Variants in TEX2 observed in about 807,000 individuals in gnomAD.
TEX2 encodes testis-expressed protein 2.
In TEX2, 53 loss-of-function variants were observed where a neutral mutation model predicts 106.9. The ratio of observed to expected loss-of-function variants is 0.50; its 90% CI spans 0.40 to 0.62. The LOEUF (loss-of-function observed/expected upper bound fraction) is 0.62, where lower values mean the gene tolerates loss of function less well. TEX2 is among the 20% of genes least tolerant of loss of function. The pLI, the probability that TEX2 is intolerant of heterozygous loss-of-function variation, is 0.00. For missense variants in TEX2, 1,207 were observed against 1,379.0 expected (o/e 0.88, Z 1.98); for synonymous variants, 523 against 534.8 (o/e 0.98, Z 0.30).
At chr17:64,207,164 G>A (rs1555630857) in intron 2 of TEX2, among the ~76,000 whole-genome samples, 1 of 152,224 alleles carries the variant, frequency 6.6e-6, no homozygotes, top group Non-Finnish European at 1.5e-5. Context: ...TCCTTGAACT[G>A]TTCATGGAAC....
chr17:64,162,687 G>T (rs889621931), intron 7 of TEX2, among the ~76,000 whole-genome samples: 2 of 152,218 alleles, frequency 1.3e-5, no homozygotes, highest in Non-Finnish European at 2.9e-5. Context: ...CCTGCCAGGA[G>T]CTGGGAGGTG....
Position 64,205,119 on chromosome 17 carries a change from G to A in TEX2, c.1644+7455C>T, listed in dbSNP as rs1448007065. 3.9e-5 allele frequency among the ~76,000 whole-genome samples: 6 copies of A among 152,124 alleles called. No homozygotes were observed. The highest frequency in any genetic ancestry group is 3.9e-4 in the Admixed American group (6 of 15,274). ...GCTGCCTCTCCAACTTCAACACAAG[G>A]GGTACCTTCTGGTAAGTGAGGGCTG... On this transcript the variant is annotated intron_variant, in intron 2 of 11. Coordinates refer to ENST00000584379, the MANE Select transcript of TEX2 (RefSeq NM_001288732.2). The surrounding 1 kb of genome is among the most constrained non-coding windows in gnomAD (Gnocchi z 4.0).
intron 7 of TEX2, among the ~76,000 whole-genome samples, chr17:64,169,594 T>C (rs1337801343): frequency 1.3e-5 from 2 of 152,208 alleles, no homozygotes; most frequent in Non-Finnish European, 1.5e-5. Context: ...GCGAAAAACA[T>C]GGATGGGTTG....
At chr17:64,261,470 T>TAA (rs1313741248) in intron 1 of TEX2, among the ~76,000 whole-genome samples, 39 of 152,290 alleles carry the variant, frequency 2.6e-4, no homozygotes, top group Non-Finnish European at 4.6e-4. Context: ...CACGATGACA[T>TAA]AACTTGCTCT....
In TEX2 at chr17:64,185,121, C is replaced by G. The variant is rs922178416; in HGVS notation, c.2424+3047G>C. Among the ~76,000 whole-genome samples, 2 of 152,086 alleles carry G rather than the reference C, an allele frequency of 1.3e-5. No homozygotes were observed. The highest frequency in any genetic ancestry group is 4.8e-5 in the African/African-American group (2 of 41,384). ...CAAACAGGTAATAATATCTTGTAAT[C>G]CAGTTTATAGATATGAGATGATGAG... On this transcript the variant is annotated intron_variant, in intron 5 of 11. Coordinates refer to ENST00000584379, the MANE Select transcript of TEX2 (RefSeq NM_001288732.2). This position sits in a 1 kb window ranked among gnomAD's most constrained non-coding sequence, Gnocchi z 4.0.
chr17:64,233,623 G>A (rs2033705312), intron 1 of TEX2, among the ~76,000 whole-genome samples: 2 of 151,972 alleles, frequency 1.3e-5, no homozygotes, highest in South Asian at 4.2e-4. Context: ...AAGAGACAAT[G>A]GAATCACGAG....
chr17:64,260,174 T>C (rs7219110), intron 1 of TEX2, among the ~76,000 whole-genome samples: 15,093 of 152,250 alleles, frequency 0.099, 1,876 homozygotes, highest in African/African-American at 0.29. Context: ...CATCTAACTC[T>C]GGCTCCAGCA....
At chr17:64,262,122 C>T (rs782206654) in intron 1 of TEX2, among the ~76,000 whole-genome samples, 4 of 152,242 alleles carry the variant, frequency 2.6e-5, no homozygotes, top group Admixed American at 1.3e-4. Flanking sequence ...CCTTTTAATG[C>T]ATGTGCAGAG....
intron 2 of TEX2, among the ~76,000 whole-genome samples, chr17:64,199,962 C>T (rs2032605100): frequency 6.6e-6 from 1 of 152,202 alleles, no homozygotes. Flanking sequence ...CAGTACATGG[C>T]AGTTTTCTGC....
chr17:64,196,982 A>ATTTTTT (rs59960456), intron 2 of TEX2, among the ~76,000 whole-genome samples: 940 of 63,530 alleles, frequency 0.015, 76 homozygotes, highest in African/African-American at 0.035. Context: ...TCAAATCAAG[A>ATTTTTT]TTTTTTTTTT....
In TEX2 at chr17:64,195,596, T is replaced by C. The variant is rs1018539792; in HGVS notation, c.1645-501A>G. Among the ~76,000 whole-genome samples the C allele has an allele frequency of 2.0e-5, 3 of 152,214 alleles. No homozygotes were observed. The highest frequency in any genetic ancestry group is 2.9e-5 in the Non-Finnish European group (2 of 68,048). On this transcript the variant is annotated intron_variant, in intron 2 of 11. Transcript: ENST00000584379. The surrounding 1 kb of genome is among the most constrained non-coding windows in gnomAD (Gnocchi z 4.1). ...CTGTTGCACTACAATATGTACCTCA[T>C]TGAAACCATGCAGTAAAGCAGATGA...
chr17:64,183,317 C>T (rs532943476), intron 5 of TEX2, among the ~76,000 whole-genome samples: 25 of 152,334 alleles, frequency 1.6e-4, no homozygotes, highest in African/African-American at 6.0e-4. Flanking sequence ...AGTGGAACTG[C>T]TGGCTCATAT....
chr17:64,223,293 C>G (rs1021811518), intron 1 of TEX2, among the ~76,000 whole-genome samples: 1 of 150,818 alleles, frequency 6.6e-6, no homozygotes, highest in African/African-American at 2.4e-5. Context: ...AAATGAAGAG[C>G]CATTTCAAGA....
chr17:64,242,623 G>A (rs888066679), intron 1 of TEX2, among the ~76,000 whole-genome samples: 4 of 152,036 alleles, frequency 2.6e-5, no homozygotes, highest in African/African-American at 9.7e-5. Context: ...GCCTGCCTCT[G>A]AACCAGAATC....
chr17:64,180,996 C>T (rs1317843597), intron 5 of TEX2, among the ~76,000 whole-genome samples: 8 of 152,150 alleles, frequency 5.3e-5, no homozygotes, highest in Non-Finnish European at 1.0e-4. Flanking sequence ...GATGACACAG[C>T]GGAGGACCCT....
At position 64,205,693 on chromosome 17, in the gene TEX2, TA is replaced by T. The variant is rs2032808337; in HGVS notation, c.1644+6880del. ...TCTTTTATATATCAAAACCAAAGCC[TA>T]TATTCAGGGAACCTATTTTTAAAAC... On this transcript the variant is annotated intron_variant, in intron 2 of 11. Transcript: ENST00000584379. This position sits in a 1 kb window ranked among gnomAD's most constrained non-coding sequence, Gnocchi z 4.0. 6.6e-6 allele frequency among the ~76,000 whole-genome samples: 1 copy of T among 152,198 alleles called. No homozygotes were observed. The highest frequency in any genetic ancestry group is 1.5e-5 in the Non-Finnish European group (1 of 68,036).
rs75946905 is a variant in TEX2, at chr17:64,257,609, G to A, written c.-26+5559C>T. On this transcript the variant is annotated intron_variant, in intron 1 of 11. Transcript: ENST00000584379. ...TCCCTTTGTCCAGCAGATCCACGCCGTAGGCGCTACCTACTCATTAGTCAC... is the reference window on the plus strand; with the variant it reads ...TCCCTTTGTCCAGCAGATCCACGCCATAGGCGCTACCTACTCATTAGTCAC... 2.9e-3 allele frequency among the ~76,000 whole-genome samples: 443 copies of A among 152,294 alleles called. 13 individuals carry two copies. The East Asian group carries it at 0.07, about 24-fold the overall frequency.
At chr17:64,183,030 C>T (rs967246796) in intron 5 of TEX2, among the ~76,000 whole-genome samples, 26 of 151,938 alleles carry the variant, frequency 1.7e-4, no homozygotes, top group Admixed American at 1.6e-3. Context: ...CTCAGCCTCC[C>T]GAGTAGCTGG....
chr17:64,210,204 C>T (rs782427335), intron 2 of TEX2, among the ~76,000 whole-genome samples: 16 of 152,178 alleles, frequency 1.1e-4, no homozygotes, highest in Non-Finnish European at 1.5e-4. Context: ...TCAGCAACCA[C>T]GCGTGAGTCA....
Sources: gnomAD v4.1 joint callset for allele counts (sites outside exome capture counted in the v4.1 genomes callset) on GRCh38, gnomAD v4.1.1 for gene constraint, Gnocchi (gnomAD v3.1) non-coding constraint, MANE v1.5 for transcripts, NCBI Gene and HGNC (gene_info 2026-07-23, HGNC 2026-07-21) for gene names.